MEGF6: variants seen among roughly 807,000 people sequenced by gnomAD.
MEGF6 encodes multiple EGF like domains 6.
MEGF6 carries 184 observed loss-of-function variants against 207.1 expected under a neutral mutation model. That is an observed-to-expected ratio of 0.89 (90% CI 0.79 to 1.00). MEGF6 has a LOEUF of 1.00. Ranked by LOEUF, MEGF6 falls within the 50% of genes least tolerant of loss-of-function variation. The pLI, the probability that MEGF6 is intolerant of heterozygous loss-of-function variation, is 0.00. For synonymous variants in MEGF6, 1,038 were observed against 910.0 expected, an observed-to-expected ratio of 1.14 and a Z score of -2.53; for missense variants, 2,282 against 2,202.9, an observed-to-expected ratio of 1.04 and a Z score of -0.72.
chr1:3,553,643 C>T (rs779044606), intron 4 of MEGF6, among the ~76,000 whole-genome samples: 4 of 152,224 alleles, frequency 2.6e-5, no homozygotes, highest in Non-Finnish European at 5.9e-5. Flanking sequence ...GCCTGCAGTA[C>T]TGGTGTCACC....
At position 3,558,553 on chromosome 1, in the gene MEGF6, G is replaced by A. The variant is rs533586072; in HGVS notation, c.481+21272C>T. ...CTTCCCTTTTTCTTGCTCGCAAGAC[G>A]TGCGTTTTCCCTATTTGGAAAGAGT... On this transcript the variant is annotated intron_variant, in intron 4 of 36. Coordinates refer to ENST00000356575, the MANE Select transcript of MEGF6 (RefSeq NM_001409.4). 2.6e-5 allele frequency among the ~76,000 whole-genome samples: 4 copies of A among 152,214 alleles called. No homozygotes were observed. The East Asian group carries it at 7.7e-4, about 29-fold the overall frequency.
rs1202547600 is a variant in MEGF6, at chr1:3,595,420, C to A, written c.294G>T (p.Gln98His). The change falls in exon 3 of 37, where the codon CAG (glutamine) becomes CAT (histidine). Residue 98 changes from glutamine (Q) to histidine (H), a missense_variant. Transcript: ENST00000356575. ...CGGTCCGGGCCTCCGTGGTATACAC[C>A]TGCCTGTAGCCCATGTAGTAGACGG... Reference protein sequence around the residue: ...RRTVYYMGYRQVYTTEARTVL... With the variant: ...RRTVYYMGYRHVYTTEARTVL... 1 of 1,612,720 alleles carries A rather than the reference C, an allele frequency of 6.2e-7. No homozygotes were observed. Among genetic ancestry groups the A allele is most frequent in the South Asian group, 1.1e-5 (1 of 91,086 alleles).
rs1246933870 is a variant in MEGF6, at chr1:3,493,848, TCA to T, written c.4308_4309del (p.Cys1436Ter). The T allele has an allele frequency of 3.1e-6, 5 of 1,602,216 alleles. No homozygotes were observed. Among genetic ancestry groups the T allele is most frequent in the African/African-American group, 1.3e-5 (1 of 74,634 alleles). ...GACAGGGTCACAGGGTGCCCCCCCGTCACAGTCACAGCGCTGGTGGCAGCCCT... is the reference window on the plus strand; with the variant it reads ...GACAGGGTCACAGGGTGCCCCCCCGTCAGTCACAGCGCTGGTGGCAGCCCT... On this transcript the variant is annotated stop_gained and frameshift_variant, in exon 34 of 37. Transcript: ENST00000356575. LOFTEE classifies it high-confidence loss of function.
chr1:3,549,936 C>G (rs1303568799), intron 4 of MEGF6, among the ~76,000 whole-genome samples: 1 of 152,172 alleles, frequency 6.6e-6, no homozygotes, highest in Non-Finnish European at 1.5e-5. Context: ...GAGTCTTCAC[C>G]TGGAGACTCA....
At chr1:3,529,045 C>T (rs1642059890) in intron 4 of MEGF6, among the ~76,000 whole-genome samples, 2 of 152,220 alleles carry the variant, frequency 1.3e-5, no homozygotes, top group African/African-American at 4.8e-5. Context: ...CCCCCCGACT[C>T]CTGTGCCTCT....
chr1:3,523,778 T>A (rs1012781033), intron 5 of MEGF6, among the ~76,000 whole-genome samples: 1 of 152,204 alleles, frequency 6.6e-6, no homozygotes, highest in Non-Finnish European at 1.5e-5. Context: ...CCACGGCAGC[T>A]TCTGTTGTAG....
intron 3 of MEGF6, among the ~76,000 whole-genome samples, chr1:3,581,170 C>T (rs1643788412): frequency 1.3e-5 from 2 of 152,156 alleles, no homozygotes; most frequent in Non-Finnish European, 2.9e-5. Context: ...TACAGATATG[C>T]CCAAGGCCAG....
intron 4 of MEGF6, among the ~76,000 whole-genome samples, chr1:3,537,643 CAT>C (rs1223135963): frequency 6.6e-6 from 1 of 152,254 alleles, no homozygotes; most frequent in African/African-American, 2.4e-5. Flanking sequence ...GGTGTGGCCA[CAT>C]GAGCAGAGGG....
chr1:3,568,076 G>A (rs1359944812), intron 4 of MEGF6, among the ~76,000 whole-genome samples: 4 of 152,178 alleles, frequency 2.6e-5, no homozygotes, highest in East Asian at 1.9e-4. Context: ...GTGCAGGATC[G>A]CCTGCAGGAA....
chr1:3,496,972 C>A lies in MEGF6; in HGVS notation c.3613+16G>T. ...CAGCACTGCCGAGTCCCTGGGTGGG[C>A]ACGGGCAGCACTCACGTTGCTGGCA... On this transcript the variant is annotated intron_variant, in intron 28 of 36. Coordinates refer to ENST00000356575, the MANE Select transcript of MEGF6 (RefSeq NM_001409.4). 6.5e-7 allele frequency: 1 copy of A among 1,547,574 alleles called. No homozygotes were observed.
upstream of MEGF6, among the ~76,000 whole-genome samples, chr1:3,614,858 C>G (rs368581414): frequency 2.0e-5 from 3 of 152,234 alleles, no homozygotes; most frequent in East Asian, 5.8e-4. Context: ...TCCACTGATG[C>G]GAGGCAGCCT....
At chr1:3,607,554 G>A (rs1198002463) in intron 1 of MEGF6, among the ~76,000 whole-genome samples, 1 of 152,178 alleles carries the variant, frequency 6.6e-6, no homozygotes, top group African/African-American at 2.4e-5. Flanking sequence ...CGGCCCCGGC[G>A]GCCTTTCCAC....
rs906499076 is a variant in MEGF6, at chr1:3,594,274, C to T, written c.376+1064G>A. Among the ~76,000 whole-genome samples the T allele has an allele frequency of 3.9e-5, 6 of 152,118 alleles. No homozygotes were observed. The highest frequency in any genetic ancestry group is 3.9e-4 in the Admixed American group (6 of 15,274). ...TGAGACCCTGTCTCTACAAAAAATA[C>T]AATAATTATTCAAGCGTGGTGGTGC... On this transcript the variant is annotated intron_variant, in intron 3 of 36. Coordinates refer to ENST00000356575, the MANE Select transcript of MEGF6 (RefSeq NM_001409.4). The surrounding 1 kb of genome is among the most constrained non-coding windows in gnomAD (Gnocchi z 4.2).
Position 3,509,191 on chromosome 1 carries a change from AG to A in MEGF6, c.1411del (p.Leu471CysfsTer52). 1 of 1,574,618 alleles carries A rather than the reference AG, an allele frequency of 6.4e-7. No individual in the cohort carries two copies. Among genetic ancestry groups the A allele is most frequent in the Admixed American group, 1.8e-5 (1 of 54,982 alleles). On this transcript the variant is annotated frameshift_variant, in exon 12 of 37. Coordinates refer to ENST00000356575, the MANE Select transcript of MEGF6 (RefSeq NM_001409.4). LOFTEE classifies it high-confidence loss of function. ...GTCCTGGAGCACGGCAATGTGGGGC[AG>A]GGGCCGCACGAAAGGCAGCTCGCCG... ...LDGELPFVRPLPHIAVLQDEL... is the reference protein window; with the variant it reads ...LDGELPFVRPXPHIAVLQDEL...
chr1:3,510,139 A>G (rs1641283037), intron 10 of MEGF6, 147 bp from the exon 11 acceptor site: 14 of 1,124,934 alleles, frequency 1.2e-5, no homozygotes, highest in Non-Finnish European at 1.7e-5. Flanking sequence ...AGTAAAACTC[A>G]CCCTCAGCCA....
chr1:3,575,794 C>G (rs376737467), intron 4 of MEGF6, among the ~76,000 whole-genome samples: 18 of 152,176 alleles, frequency 1.2e-4, no homozygotes, highest in Admixed American at 1.2e-3. Flanking sequence ...TCCCATGACA[C>G]GTGGGAATTA....
At chr1:3,492,970 C>G (rs117921547) in intron 34 of MEGF6, 4 of 642,914 alleles carry the variant, frequency 6.2e-6, no homozygotes, top group Non-Finnish European at 1.0e-5. Flanking sequence ...CTACATTCTG[C>G]AGCCAGTGAG....
chr1:3,580,381 G>A (rs2794339), intron 3 of MEGF6, among the ~76,000 whole-genome samples: 118,603 of 152,202 alleles, frequency 0.78, 48,075 homozygotes, highest in Non-Finnish European at 0.9. Context: ...CCCCAGCCCC[G>A]GGAGGGGAGG....
In MEGF6 at chr1:3,496,728, G is replaced by A. The variant is rs746218162; in HGVS notation, c.3669C>T (p.Asn1223=). The A allele has an allele frequency of 2.2e-5, 34 of 1,559,046 alleles. No homozygotes were observed. The highest frequency in any genetic ancestry group is 2.5e-5 in the Non-Finnish European group (29 of 1,152,168). ...PGCEQLCGCL[N]GGSCDAATGA... is the part of the protein sequence containing the mutation. The stretch of plus-strand genomic sequence containing the variant: ...CCGTGGCCGCATCACAGGAGCCCCC[G>A]TTGAGACACCCACACAGCTGTTCAC... The change falls in exon 29 of 37, where the codon AAC becomes AAT. Residue 1223 remains asparagine, a synonymous_variant. Coordinates refer to ENST00000356575, the MANE Select transcript of MEGF6 (RefSeq NM_001409.4).
Sources: gnomAD v4.1 joint callset for allele counts (sites outside exome capture counted in the v4.1 genomes callset) on GRCh38, gnomAD v4.1.1 for gene constraint, Gnocchi (gnomAD v3.1) non-coding constraint, MANE v1.5 for transcripts, NCBI Gene and HGNC (gene_info 2026-07-23, HGNC 2026-07-21) for gene names.